The following DLGAP2 variants were observed in gnomAD, a reference collection of about 807,000 sequenced individuals.
The protein encoded by DLGAP2 is DLG associated protein 2.
DLGAP2 carries 26 observed loss-of-function variants against 100.3 expected under a neutral mutation model. The ratio of observed to expected loss-of-function variants is 0.26; its 90% CI spans 0.19 to 0.36. The LOEUF (loss-of-function observed/expected upper bound fraction) is 0.36, where lower values mean the gene tolerates loss of function less well. DLGAP2 is among the 10% of genes least tolerant of loss of function. The pLI, the probability that DLGAP2 is intolerant of heterozygous loss-of-function variation, is 1.00. For synonymous variants in DLGAP2, 886 were observed against 630.1 expected, an observed-to-expected ratio of 1.41 and a Z score of -6.08; for missense variants, 1,858 against 1,453.2, an observed-to-expected ratio of 1.28 and a Z score of -4.53.
intron 3 of DLGAP2, among the ~76,000 whole-genome samples, chr8:1,275,700 A>T (rs1397325587): frequency 2.2e-5 from 3 of 137,626 alleles, no homozygotes; most frequent in Admixed American, 8.4e-5. Context: ...CTCTAGAGGG[A>T]CAGAGCTAAT....
chr8:1,265,833 AAGGTGAATAGAAGAGTAGACAGGTAGGGG>A (rs1799439350), intron 3 of DLGAP2, among the ~76,000 whole-genome samples: 1 of 152,218 alleles, frequency 6.6e-6, no homozygotes, highest in Admixed American at 6.5e-5. Flanking sequence ...ATTTAATATA[AAGGTGAATAGAAGAGTAGACAGGTAGGGG>A]AGGGGAGAGA....
chr8:873,839 C>G (rs569278322), intron 1 of DLGAP2, among the ~76,000 whole-genome samples: 2 of 152,134 alleles, frequency 1.3e-5, no homozygotes, highest in Non-Finnish European at 2.9e-5. Context: ...GTAGAGATGT[C>G]GTCTGGGCCT....
At chr8:1,050,975 TGG>T (rs1802664652) in intron 2 of DLGAP2, among the ~76,000 whole-genome samples, 1 of 27,278 alleles carries the variant, frequency 3.7e-5, no homozygotes, top group Non-Finnish European at 7.0e-5. Flanking sequence ...ATTTCGTGGG[TGG>T]GGGTCATTTC....
At chr8:1,681,207 T>G (rs1446403430) in intron 12 of DLGAP2, among the ~76,000 whole-genome samples, 5 of 152,238 alleles carry the variant, frequency 3.3e-5, no homozygotes, top group African/African-American at 1.2e-4. Flanking sequence ...TGTAAGACAT[T>G]GAGACATTAG....
intron 2 of DLGAP2, among the ~76,000 whole-genome samples, chr8:1,152,073 G>T (rs1361505800): frequency 6.6e-6 from 1 of 152,108 alleles, no homozygotes; most frequent in Non-Finnish European, 1.5e-5. Flanking sequence ...TTCCATTTTA[G>T]TTTGCATTTT....
At chr8:1,651,565 C>A (rs1449647317) in intron 8 of DLGAP2, among the ~76,000 whole-genome samples, 1 of 152,176 alleles carries the variant, frequency 6.6e-6, no homozygotes, top group African/African-American at 2.4e-5. Flanking sequence ...CTGGGGCGTC[C>A]ATCCCTTCTG....
At chr8:1,430,192 C>T (rs575558656) in intron 3 of DLGAP2, among the ~76,000 whole-genome samples, 50 of 151,088 alleles carry the variant, frequency 3.3e-4, no homozygotes, top group African/African-American at 1.2e-3. Context: ...TGCAAAAATA[C>T]TTTAATCCCT....
chr8:1,436,711 C>T (rs1490779972), intron 3 of DLGAP2, among the ~76,000 whole-genome samples: 2 of 152,176 alleles, frequency 1.3e-5, no homozygotes, highest in East Asian at 1.9e-4. Flanking sequence ...GCCGCGCATT[C>T]ACTCCCCACT....
chr8:1,687,440 G>A (rs1481695837), intron 12 of DLGAP2, among the ~76,000 whole-genome samples: 1 of 152,154 alleles, frequency 6.6e-6, no homozygotes, highest in Non-Finnish European at 1.5e-5. Context: ...TACTGGGAGA[G>A]AATAAATTGA....
intron 5 of DLGAP2, among the ~76,000 whole-genome samples, chr8:1,555,353 G>A (rs1222407306): frequency 1.3e-5 from 2 of 152,130 alleles, no homozygotes; most frequent in East Asian, 1.9e-4. Context: ...CAGGAGCCAC[G>A]TGTGCCTGCC....
chr8:1,256,419 T>C (rs71512888), intron 2 of DLGAP2, among the ~76,000 whole-genome samples: 130,865 of 136,026 alleles, frequency 0.96, 62,998 homozygotes, highest in Middle Eastern at 0.98. Flanking sequence ...CTTATCCTGC[T>C]TGGGCGCTGT....
At chr8:1,113,186 CT>C (rs200602098) in intron 2 of DLGAP2, among the ~76,000 whole-genome samples, 148 of 151,840 alleles carry the variant, frequency 9.7e-4, no homozygotes, top group African/African-American at 3.4e-3. Flanking sequence ...GATATTTGGG[CT>C]TTTTTTTGGT....
intron 3 of DLGAP2, among the ~76,000 whole-genome samples, chr8:1,273,480 A>G (rs1799622673): frequency 6.6e-6 from 1 of 152,178 alleles, no homozygotes; most frequent in African/African-American, 2.4e-5. Context: ...TTTATGCTCA[A>G]GATGGATGAC....
chr8:1,480,478 C>T (rs545790749), intron 3 of DLGAP2, among the ~76,000 whole-genome samples: 6 of 152,308 alleles, frequency 3.9e-5, no homozygotes, highest in African/African-American at 7.2e-5. Flanking sequence ...TTGAAGCAAA[C>T]GCACGGCTGG....
intron 2 of DLGAP2, among the ~76,000 whole-genome samples, chr8:1,202,292 GTA>G (rs1253259210): frequency 9.7e-6 from 1 of 102,910 alleles, no homozygotes; most frequent in Non-Finnish European, 1.8e-5. Context: ...CATGTATGTA[GTA>G]TATGTGTGTG....
At chr8:1,664,180 T>C (rs898649357) in intron 8 of DLGAP2, among the ~76,000 whole-genome samples, 2 of 152,186 alleles carry the variant, frequency 1.3e-5, no homozygotes, top group African/African-American at 4.8e-5. Flanking sequence ...CGTGGCAGCG[T>C]TGGTGCATCT....
intron 3 of DLGAP2, among the ~76,000 whole-genome samples, chr8:1,434,451 A>G (rs1797557230): frequency 6.7e-6 from 1 of 149,576 alleles, no homozygotes; most frequent in Non-Finnish European, 1.5e-5. Flanking sequence ...TCACTGAGCT[A>G]CCTCCCGGGA....
At chr8:843,240 G>A (rs1797014680) in intron 1 of DLGAP2, among the ~76,000 whole-genome samples, 1 of 152,228 alleles carries the variant, frequency 6.6e-6, no homozygotes, top group Non-Finnish European at 1.5e-5. Flanking sequence ...TTCATGTGAA[G>A]TTAAGAAGGT....
chr8:977,511 G>C (rs898619467), intron 2 of DLGAP2, among the ~76,000 whole-genome samples: 11 of 152,214 alleles, frequency 7.2e-5, no homozygotes, highest in African/African-American at 2.7e-4. Context: ...ATTCAAAGCT[G>C]CTGCTTCAAA....
Sources: allele counts gnomAD v4.1 joint callset (sites outside exome capture counted in the v4.1 genomes callset), GRCh38; gene constraint gnomAD v4.1.1; transcripts MANE v1.5; gene names NCBI Gene and HGNC (gene_info 2026-07-23, HGNC 2026-07-21).